Variants in APOL5 observed in about 807,000 individuals in gnomAD.
APOL5 encodes apolipoprotein L5, also known as apolipoprotein L, 5.
A neutral mutation model predicts 35.5 loss-of-function variants in APOL5; 29 were observed. That is an observed-to-expected ratio of 0.82 (90% CI 0.61 to 1.11). The LOEUF (loss-of-function observed/expected upper bound fraction) is 1.11. APOL5 is among the 50% of genes most tolerant of loss of function. The pLI is 0.00. For missense variants in APOL5, 514 were observed against 530.4 expected, an observed-to-expected ratio of 0.97 and a Z score of 0.30; for synonymous variants, 188 against 200.2, an observed-to-expected ratio of 0.94 and a Z score of 0.51.
chr22:35,723,107 T>C (rs575413623), intron 2 of APOL5, among the ~76,000 whole-genome samples: 21 of 152,292 alleles, frequency 1.4e-4, no homozygotes. Context: ...TTGAGGCTGC[T>C]GATGGCCTTG....
chr22:35,723,435 T>C (rs1927041680), intron 2 of APOL5, among the ~76,000 whole-genome samples: 1 of 152,228 alleles, frequency 6.6e-6, no homozygotes, highest in East Asian at 1.9e-4. Context: ...CTCAAAGGTC[T>C]TGCAGAACTC....
At chr22:35,711,919 C>A in the APOL5 span, among the ~76,000 whole-genome samples, 26 of 152,240 alleles carry the variant, frequency 1.7e-4, no homozygotes, top group African/African-American at 5.8e-4. Context: ...AGGTGATCTA[C>A]CTGCCTCAAC....
At chr22:35,720,807 A>G (rs977076528) in intron 2 of APOL5, among the ~76,000 whole-genome samples, 153 bp downstream of exon 2, 2 of 152,172 alleles carry the variant, frequency 1.3e-5, no homozygotes, top group Non-Finnish European at 2.9e-5. Flanking sequence ...GTGCAGTGGC[A>G]CGATCTCGGC....
At chr22:35,713,823 A>G (rs533992252), upstream of APOL5, among the ~76,000 whole-genome samples, 2 of 152,284 alleles carry the variant, frequency 1.3e-5, no homozygotes, top group Non-Finnish European at 2.9e-5. Context: ...TTATGAAGTG[A>G]CTTGAGGCAC....
the APOL5 span, among the ~76,000 whole-genome samples, chr22:35,708,427 GAA>G: frequency 5.4e-5 from 7 of 129,148 alleles, no homozygotes; most frequent in African/African-American, 1.7e-4. Flanking sequence ...TCAAAAAAAA[GAA>G]AAAAAAAAAA....
the APOL5 span, among the ~76,000 whole-genome samples, chr22:35,710,228 G>A: frequency 5.7e-5 from 8 of 141,292 alleles, no homozygotes; most frequent in African/African-American, 1.9e-4. Context: ...GCTCTCAAAC[G>A]ATCCTCCTGC....
At position 35,728,841 on chromosome 22, in the gene APOL5, A is replaced by C; in HGVS notation, c.1245A>C (p.Pro415=). 1 of 1,611,928 alleles carries C rather than the reference A, an allele frequency of 6.2e-7. No homozygotes were observed. The highest frequency in any genetic ancestry group is 8.5e-7 in the Non-Finnish European group (1 of 1,179,084). ...VSAPRMLGHQ[P]APPAPARKGR... is the part of the protein sequence containing the mutation. ...CCCCAAGGATGCTTGGCCACCAGCC[A>C]GCCCCACCAGCACCAGCAAGAAAGG... Residue 415 remains proline (P), a synonymous_variant, in exon 4 of 5, where the codon CCA becomes CCC. Transcript: ENST00000249044.
chr22:35,723,917 AC>A (rs1181181774), intron 2 of APOL5, among the ~76,000 whole-genome samples: 1 of 152,188 alleles, frequency 6.6e-6, no homozygotes, highest in Non-Finnish European at 1.5e-5. Context: ...AGATCGCGCC[AC>A]TGCACTCCAG....
At chr22:35,717,229 A>AG (rs1926775460), upstream of APOL5, among the ~76,000 whole-genome samples, 2 of 49,598 alleles carry the variant, frequency 4.0e-5, no homozygotes, top group Non-Finnish European at 7.5e-5. Context: ...CTACAAAAAA[A>AG]AAAAAAATAT....
chr22:35,725,609 G>A (rs1264682830), intron 2 of APOL5, among the ~76,000 whole-genome samples: 1 of 152,080 alleles, frequency 6.6e-6, no homozygotes, highest in African/African-American at 2.4e-5. Flanking sequence ...AGGGAGTGAG[G>A]AGTACTGATC....
intron 3 of APOL5, among the ~76,000 whole-genome samples, chr22:35,727,938 A>G (rs552954191): frequency 2.6e-5 from 4 of 152,380 alleles, no homozygotes; most frequent in African/African-American, 9.6e-5. Flanking sequence ...CTTTAATAGA[A>G]TGACGCGGTA....
intron 1 of APOL5, among the ~76,000 whole-genome samples, chr22:35,718,375 T>A (rs1926834970): frequency 6.6e-6 from 1 of 152,172 alleles, no homozygotes; most frequent in Admixed American, 6.5e-5. Context: ...CCCAACACTT[T>A]GGGAGGCCAA....
the APOL5 span, among the ~76,000 whole-genome samples, chr22:35,712,391 A>AT: frequency 3.3e-5 from 5 of 151,840 alleles, no homozygotes; most frequent in South Asian, 2.1e-4. Flanking sequence ...TTATTTTTTA[A>AT]TTTTTTGTGG....
Position 35,728,872 on chromosome 22 carries a change from C to G in APOL5, c.1276C>G (p.Gln426Glu), listed in dbSNP as rs1927271518. ...ACCAGCACCAGCAAGAAAGGGGAGA[C>G]AGGCCCCGGGAAGACACCGACAATG... ...APPAPARKGR[Q>E]APGRHRQ Residue 426 changes from glutamine to glutamate, a missense_variant, in exon 4 of 5, where the codon CAG becomes GAG. Gln to Glu is a conservative substitution (Grantham distance 29). Transcript: ENST00000249044. The G allele has an allele frequency of 6.2e-7, 1 of 1,608,996 alleles. No homozygotes were observed. Among genetic ancestry groups the G allele is most frequent in the African/African-American group, 1.3e-5 (1 of 74,718 alleles).
chr22:35,717,767 A>AG (rs1491456961), upstream of APOL5: 236 of 460,496 alleles, frequency 5.1e-4, 2 homozygotes, highest in Middle Eastern at 1.8e-3. Flanking sequence ...AGAAAAGAAA[A>AG]GAAAAAAAAA....
chr22:35,713,368 G>A (rs5995158), upstream of APOL5, among the ~76,000 whole-genome samples: 12,743 of 152,182 alleles, frequency 0.084, 1,811 homozygotes, highest in African/African-American at 0.29. Context: ...GCTTGACAGC[G>A]AAAGAAACAG....
chr22:35,715,763 G>T (rs1037024709), upstream of APOL5, among the ~76,000 whole-genome samples: 19 of 152,254 alleles, frequency 1.2e-4, no homozygotes, highest in African/African-American at 4.6e-4. Context: ...CACAGAGTAG[G>T]CAGGAAAGCG....
At chr22:35,710,602 A>G in the APOL5 span, among the ~76,000 whole-genome samples, 25 of 152,182 alleles carry the variant, frequency 1.6e-4, no homozygotes, top group African/African-American at 6.0e-4. Flanking sequence ...CAGTGGCATT[A>G]GGTATATTCA....
intron 1 of APOL5, among the ~76,000 whole-genome samples, chr22:35,718,148 C>T (rs2145996056): frequency 6.6e-6 from 1 of 152,266 alleles, no homozygotes; most frequent in East Asian, 1.9e-4. Flanking sequence ...TAAAGTTTAA[C>T]TAAAAATGTA....
Sources: allele counts gnomAD v4.1 joint callset (sites outside exome capture counted in the v4.1 genomes callset), GRCh38; gene constraint gnomAD v4.1.1; transcripts MANE v1.5; gene names NCBI Gene and HGNC (gene_info 2026-07-23, HGNC 2026-07-21).